USP13: variants seen among roughly 807,000 people sequenced by gnomAD.
USP13 encodes ubiquitin specific peptidase 13.
A neutral mutation model predicts 107.8 loss-of-function variants in USP13; 68 were observed. The ratio of observed to expected loss-of-function variants is 0.63; its 90% CI spans 0.52 to 0.77. The LOEUF (loss-of-function observed/expected upper bound fraction) is 0.77, where lower values mean the gene tolerates loss of function less well. Among genes scored for constraint, USP13 ranks in the 30% least tolerant of loss-of-function variants. The pLI is 0.00. For missense variants in USP13, 945 were observed against 1,093.3 expected, an observed-to-expected ratio of 0.86 and a Z score of 1.91; for synonymous variants, 377 against 389.5, an observed-to-expected ratio of 0.97 and a Z score of 0.38.
intron 2 of USP13, among the ~76,000 whole-genome samples, chr3:179,688,005 T>C (rs2108460653): frequency 6.6e-6 from 1 of 152,264 alleles, no homozygotes; most frequent in East Asian, 1.9e-4. Context: ...TTGTGTATGC[T>C]GTTTTCTCTG....
Position 179,752,392 on chromosome 3 carries a change from C to T in USP13, c.1798+19C>T. On this transcript the variant is annotated intron_variant, in intron 14 of 20. Transcript: ENST00000263966. ...AAATTTGGTAGGTATCTTTTGCGTG[C>T]TTTTGCTTAAAACATCAAATGAGCC... The T allele has an allele frequency of 6.3e-7, 1 of 1,589,196 alleles. No individual in the cohort carries two copies. The highest frequency in any genetic ancestry group is 8.6e-7 in the Non-Finnish European group (1 of 1,157,554).
At chr3:179,763,380 G>C (rs1267398348) in intron 17 of USP13, among the ~76,000 whole-genome samples, 1 of 152,146 alleles carries the variant, frequency 6.6e-6, no homozygotes, top group Non-Finnish European at 1.5e-5. Context: ...GCCATTTTGA[G>C]TTAATTTTGT....
At chr3:179,772,590 G>A (rs1017392365) in intron 19 of USP13, among the ~76,000 whole-genome samples, 3 of 152,300 alleles carry the variant, frequency 2.0e-5, no homozygotes, top group Non-Finnish European at 4.4e-5. Context: ...CCCAGTGGTC[G>A]ACTGGAAAGT....
At chr3:179,758,621 C>T (rs1714891375) in intron 16 of USP13, among the ~76,000 whole-genome samples, 1 of 151,620 alleles carries the variant, frequency 6.6e-6, no homozygotes, top group African/African-American at 2.4e-5. Flanking sequence ...GCCTCAGCCT[C>T]CCGAGTAGCT....
intron 19 of USP13, among the ~76,000 whole-genome samples, chr3:179,774,027 A>G (rs1388045197): frequency 2.0e-5 from 3 of 152,226 alleles, no homozygotes; most frequent in African/African-American, 7.2e-5. Context: ...TGTTTGGCTC[A>G]TAGCTCTTCA....
intron 12 of USP13, among the ~76,000 whole-genome samples, chr3:179,743,884 C>T (rs951576469): frequency 1.4e-5 from 2 of 148,120 alleles, no homozygotes; most frequent in East Asian, 4.0e-4. Context: ...TTTAGGAAAA[C>T]ACATATGTGC....
chr3:179,750,326 G>GTGTGTGTATATATATATATATATATA (rs1553797370), intron 13 of USP13, among the ~76,000 whole-genome samples: 3 of 75,828 alleles, frequency 4.0e-5, no homozygotes, highest in East Asian at 1.5e-3. Flanking sequence ...ATATATGTGT[G>GTGTGTGTATATATATATATATATATA]TATATATATA....
chr3:179,761,062 G>A (rs1314161307), intron 16 of USP13, 50 bp from the exon 17 acceptor site: 1 of 1,610,274 alleles, frequency 6.2e-7, no homozygotes, highest in Non-Finnish European at 8.5e-7. Context: ...GCTAAGACAA[G>A]AAGCGACAGT....
intron 10 of USP13, among the ~76,000 whole-genome samples, chr3:179,738,064 G>A (rs770240565): frequency 7.9e-5 from 12 of 152,180 alleles, no homozygotes; most frequent in Admixed American, 5.9e-4. Context: ...CTGTGATTCT[G>A]CAAACGTGTC....
chr3:179,776,866 T>G (rs979202341), intron 19 of USP13, among the ~76,000 whole-genome samples: 101 of 147,210 alleles, frequency 6.9e-4, no homozygotes, highest in African/African-American at 2.5e-3. Context: ...TGGTTTTTTT[T>G]TTTTTTTTTT....
At chr3:179,655,404 CA>C in intron 1 of USP13, among the ~76,000 whole-genome samples, 1 of 152,112 alleles carries the variant, frequency 6.6e-6, no homozygotes, top group Non-Finnish European at 1.5e-5. Context: ...CTGATGATTG[CA>C]ATCATATCAC....
chr3:179,727,873 C>T (rs1291072599), intron 8 of USP13, among the ~76,000 whole-genome samples: 12 of 74,318 alleles, frequency 1.6e-4, no homozygotes, highest in African/African-American at 4.7e-4. Flanking sequence ...TAGGGGCGGC[C>T]GGGCAGAGGC....
At chr3:179,693,778 A>G (rs961138063) in intron 3 of USP13, among the ~76,000 whole-genome samples, 33 of 152,042 alleles carry the variant, frequency 2.2e-4, no homozygotes, top group African/African-American at 8.0e-4. Flanking sequence ...AGTTCAAGCA[A>G]TTCTCCTGCC....
In USP13 at chr3:179,708,866, C is replaced by T; in HGVS notation, c.714C>T (p.Ser238=). The T allele has an allele frequency of 6.2e-7, 1 of 1,614,104 alleles. No homozygotes were observed. Among genetic ancestry groups the T allele is most frequent in the Non-Finnish European group, 8.5e-7 (1 of 1,180,018 alleles). ...SVLCGKWFFD[S]SGGNGHALEH... is the part of the protein sequence containing the mutation. ...TGTGTGGAAAGTGGTTCTTTGACAG[C>T]TCTGGGGGCAACGGGCATGCGCTGG... The change falls in exon 6 of 21, where the codon AGC becomes AGT. Residue 238 remains serine (S), a synonymous_variant. Coordinates refer to ENST00000263966, the MANE Select transcript of USP13 (RefSeq NM_003940.3).
At chr3:179,714,247 C>A (rs1250634701) in intron 6 of USP13, among the ~76,000 whole-genome samples, 1 of 152,158 alleles carries the variant, frequency 6.6e-6, no homozygotes, top group South Asian at 2.1e-4. Context: ...GTGAAATTGC[C>A]TCTTCTATTG....
At chr3:179,743,382 GTTTTTTT>G (rs956359050) in intron 12 of USP13, among the ~76,000 whole-genome samples, 31 of 139,854 alleles carry the variant, frequency 2.2e-4, no homozygotes, top group South Asian at 2.4e-4. Flanking sequence ...TTTGTTTTTT[GTTTTTTT>G]TTTTGAGAAT....
rs987166558 is a variant in USP13, at chr3:179,785,370, A to G, written c.*1229A>G. The stretch of plus-strand genomic sequence containing the variant: ...ATGCAAAGAAACTTTATACAACATT[A>G]TGAAAGACTATCCTTTCCATTTTGG... On this transcript the variant is annotated 3_prime_UTR_variant, in exon 21 of 21. Transcript: ENST00000263966. The G allele has an allele frequency of 6.6e-6, 1 of 152,178 alleles. No homozygotes were observed. Among genetic ancestry groups the G allele is most frequent in the African/African-American group, 2.4e-5 (1 of 41,442 alleles). 9.4% of individuals were successfully genotyped at this position (152,178 alleles called of 1,614,324 possible).
chr3:179,742,307 C>T lies in USP13; in HGVS notation c.1491C>T (p.Tyr497=), dbSNP rs1187431338. 6.2e-7 allele frequency: 1 copy of T among 1,614,196 alleles called. No individual in the cohort carries two copies. Among genetic ancestry groups the T allele is most frequent in the Admixed American group, 1.7e-5 (1 of 60,014 alleles). The stretch of plus-strand genomic sequence containing the variant: ...TCCGCTACACGGAGAGGGTGGATTA[C>T]CTGATGCAGTTACCTGTGGCCATGG... The part of the protein sequence containing the change: ...RKVRYTERVD[Y]LMQLPVAMEA... Residue 497 remains tyrosine, a synonymous_variant, in exon 12 of 21, where the codon TAC becomes TAT. Transcript: ENST00000263966. This position sits in a 1 kb window ranked among gnomAD's most constrained non-coding sequence, Gnocchi z 5.0.
intron 8 of USP13, among the ~76,000 whole-genome samples, chr3:179,722,218 A>G (rs1173018196): frequency 1.3e-5 from 2 of 152,128 alleles, no homozygotes; most frequent in Admixed American, 6.5e-5. Context: ...CCTCCTATAG[A>G]TGCGCTAGGA....
Sources: gnomAD v4.1 joint callset for allele counts (sites outside exome capture counted in the v4.1 genomes callset) on GRCh38, gnomAD v4.1.1 for gene constraint, Gnocchi (gnomAD v3.1) non-coding constraint, MANE v1.5 for transcripts, NCBI Gene and HGNC (gene_info 2026-07-23, HGNC 2026-07-21) for gene names.